The following LINGO2 variants were observed in gnomAD, a reference collection of about 807,000 sequenced individuals.
LINGO2 encodes the protein leucine rich repeat and Ig domain containing 2, also known as leucine-rich repeat and immunoglobulin-like domain-containing nogo receptor-interacting protein 2.
In LINGO2, 14 loss-of-function variants were observed where a neutral mutation model predicts 30.6. The observed-to-expected ratio is 0.46, with a 90% CI of 0.30 to 0.72. LINGO2 has a LOEUF of 0.72. Among genes scored for constraint, LINGO2 ranks in the 30% least tolerant of loss-of-function variants. The probability of loss-of-function intolerance (pLI) is 0.07; values close to 1 mark genes in which losing one functional copy is unlikely to be tolerated. For synonymous variants in LINGO2, 317 were observed against 288.5 expected, an observed-to-expected ratio of 1.10 and a Z score of -1.00; for missense variants, 729 against 751.7, an observed-to-expected ratio of 0.97 and a Z score of 0.35.
intron 1 of LINGO2, among the ~76,000 whole-genome samples, chr9:28,644,731 C>T (rs58048756): frequency 0.029 from 4,449 of 152,058 alleles, 162 homozygotes; most frequent in African/African-American, 0.075. Context: ...CTTGATGGAA[C>T]AGAAGCCCCA....
the LINGO2 span, among the ~76,000 whole-genome samples, chr9:28,968,100 T>C: frequency 6.6e-6 from 1 of 152,170 alleles, no homozygotes; most frequent in African/African-American, 2.4e-5. Context: ...TATAATGGAC[T>C]AATGAAATCA....
chr9:28,503,080 CTAAGGTA>C (rs1214188269), intron 1 of LINGO2, among the ~76,000 whole-genome samples: 1 of 151,960 alleles, frequency 6.6e-6, no homozygotes, highest in Non-Finnish European at 1.5e-5. Flanking sequence ...AATTTGCATA[CTAAGGTA>C]TAATTTTTAC....
At chr9:28,702,088 C>T in the LINGO2 span, among the ~76,000 whole-genome samples, 1 of 151,786 alleles carries the variant, frequency 6.6e-6, no homozygotes, top group African/African-American at 2.4e-5. Flanking sequence ...TTACTTCTTA[C>T]TTCCCAATTT....
At chr9:28,986,013 T>C in the LINGO2 span, among the ~76,000 whole-genome samples, 1 of 152,104 alleles carries the variant, frequency 6.6e-6, no homozygotes, top group African/African-American at 2.4e-5. Flanking sequence ...AAGTCTTTAA[T>C]CCATCTTGAG....
chr9:28,231,392 T>C (rs144772658), intron 4 of LINGO2, among the ~76,000 whole-genome samples: 4 of 151,948 alleles, frequency 2.6e-5, no homozygotes, highest in Admixed American at 2.6e-4. Context: ...TTTGGAGCAG[T>C]GTGGGAAAAT....
chr9:29,087,274 G>A, the LINGO2 span, among the ~76,000 whole-genome samples: 1 of 152,182 alleles, frequency 6.6e-6, no homozygotes, highest in Non-Finnish European at 1.5e-5. Flanking sequence ...TTACTCACCT[G>A]TGGTATGGCA....
At chr9:29,213,195 CT>C in the LINGO2 span, among the ~76,000 whole-genome samples, 3 of 152,188 alleles carry the variant, frequency 2.0e-5, no homozygotes, top group African/African-American at 7.2e-5. Context: ...ATTCAGTTTT[CT>C]TCCGTAACCC....
At chr9:29,053,725 T>C in the LINGO2 span, among the ~76,000 whole-genome samples, 3 of 152,138 alleles carry the variant, frequency 2.0e-5, no homozygotes, top group Non-Finnish European at 2.9e-5. Context: ...TAAAACTTGG[T>C]TTTCATTTTT....
the LINGO2 span, among the ~76,000 whole-genome samples, chr9:29,090,419 G>C: frequency 8.6e-5 from 13 of 151,834 alleles, no homozygotes; most frequent in Admixed American, 2.0e-4. Flanking sequence ...CCGTCATTTA[G>C]TACTTGTCTA....
chr9:28,720,782 G>A, the LINGO2 span, among the ~76,000 whole-genome samples: 4 of 151,934 alleles, frequency 2.6e-5, no homozygotes, highest in South Asian at 2.1e-4. Flanking sequence ...TCAATATAAC[G>A]CAGTGTACCT....
chr9:28,506,419 T>TAC (rs1189901713), intron 1 of LINGO2, among the ~76,000 whole-genome samples: 4 of 3,348 alleles, frequency 1.2e-3, no homozygotes, highest in African/African-American at 2.0e-3. Context: ...TATATATATA[T>TAC]ATACACACAC....
intron 3 of LINGO2, among the ~76,000 whole-genome samples, chr9:28,337,147 A>G (rs948849963): frequency 4.7e-5 from 7 of 150,462 alleles, no homozygotes; most frequent in Non-Finnish European, 7.4e-5. Context: ...GCACAGTGTT[A>G]TATTTTATAG....
chr9:28,004,887 T>A (rs1018256801), intron 5 of LINGO2, among the ~76,000 whole-genome samples: 2 of 152,130 alleles, frequency 1.3e-5, no homozygotes, highest in Admixed American at 6.5e-5. Flanking sequence ...TAAGAGGAGT[T>A]CCTTCCAGAA....
chr9:29,212,221 C>G, the LINGO2 span, among the ~76,000 whole-genome samples: 1 of 151,980 alleles, frequency 6.6e-6, no homozygotes, highest in Non-Finnish European at 1.5e-5. Flanking sequence ...CTCGGAAGCG[C>G]GCCGGGACTG....
intron 4 of LINGO2, among the ~76,000 whole-genome samples, chr9:28,119,711 C>T (rs1827037164): frequency 6.6e-6 from 1 of 152,142 alleles, no homozygotes; most frequent in South Asian, 2.1e-4. Flanking sequence ...AAGTCTGGCC[C>T]TCTTTTGGCA....
the LINGO2 span, among the ~76,000 whole-genome samples, chr9:28,727,167 A>T: frequency 6.6e-6 from 1 of 152,200 alleles, no homozygotes; most frequent in Non-Finnish European, 1.5e-5. Context: ...AATATATTAA[A>T]ATTAGACTCT....
intron 1 of LINGO2, among the ~76,000 whole-genome samples, chr9:28,611,734 G>A (rs34137382): frequency 0.34 from 51,669 of 151,666 alleles, 9,128 homozygotes; most frequent in African/African-American, 0.41. Context: ...TTCATAAATA[G>A]TATTTCATTG....
chr9:28,205,440 T>C (rs1300021625), intron 4 of LINGO2, among the ~76,000 whole-genome samples: 1 of 152,176 alleles, frequency 6.6e-6, no homozygotes, highest in African/African-American at 2.4e-5. Context: ...GGTCATATCA[T>C]CAATGCCAAA....
chr9:28,263,504 C>T (rs1210353227), intron 4 of LINGO2, among the ~76,000 whole-genome samples: 3 of 151,962 alleles, frequency 2.0e-5, no homozygotes, highest in Non-Finnish European at 2.9e-5. Context: ...GCCTATCATC[C>T]TATCTCAAGA....
Sources: allele counts gnomAD v4.1 joint callset (sites outside exome capture counted in the v4.1 genomes callset), GRCh38; gene constraint gnomAD v4.1.1; transcripts MANE v1.5; gene names NCBI Gene and HGNC (gene_info 2026-07-23, HGNC 2026-07-21).